Variants in MSH3 observed in about 807,000 individuals in gnomAD.
MSH3 encodes the protein DNA mismatch repair protein Msh3.
Under a neutral mutation model 123.3 loss-of-function variants are expected in MSH3, and 106 were observed. That is an observed-to-expected ratio of 0.86 (90% CI 0.73 to 1.01). MSH3 has a LOEUF of 1.01. Among genes scored for constraint, MSH3 ranks in the 50% least tolerant of loss-of-function variants. The probability of loss-of-function intolerance (pLI) is 0.00; values close to 1 mark genes in which losing one functional copy is unlikely to be tolerated. For missense variants in MSH3, 1,459 were observed against 1,347.6 expected, an observed-to-expected ratio of 1.08 and a Z score of -1.29; for synonymous variants, 515 against 481.4, an observed-to-expected ratio of 1.07 and a Z score of -0.91.
intron 8 of MSH3, among the ~76,000 whole-genome samples, chr5:80,704,107 C>T (rs746971256): frequency 1.6e-4 from 24 of 152,228 alleles, no homozygotes; most frequent in Middle Eastern, 3.4e-3. Flanking sequence ...GTGGGGCTCC[C>T]TGATTTTCTG....
rs140594151 is a variant in MSH3, at chr5:80,713,729, C to T, written c.1341-11724C>T. ...TACCATTGGATACATGTCTTTGGAG[C>T]AGATTTCCATCCATTTTTACTCCAG... On this transcript the variant is annotated intron_variant, in intron 8 of 23. Coordinates refer to ENST00000265081, the MANE Select transcript of MSH3 (RefSeq NM_002439.5). 1.7e-3 allele frequency among the ~76,000 whole-genome samples: 260 copies of T among 152,284 alleles called. 2 individuals carry two copies. Among genetic ancestry groups the T allele is most frequent in the African/African-American group, 5.9e-3 (247 of 41,556 alleles).
intron 12 of MSH3, 147 bp from the exon 13 acceptor site, chr5:80,761,399 C>T: frequency 2.0e-6 from 2 of 986,630 alleles, no homozygotes; most frequent in South Asian, 2.7e-5. Context: ...TCAGGGAGTC[C>T]TTCCCACATG....
chr5:80,672,133 G>A (rs1749737471), intron 4 of MSH3, 111 bp from the exon 5 acceptor site: 1 of 794,640 alleles, frequency 1.3e-6, no homozygotes, highest in Non-Finnish European at 2.1e-6. Flanking sequence ...TTTAGATTAA[G>A]TGTACAAATC....
chr5:80,727,235 C>A (rs6151729), intron 9 of MSH3, among the ~76,000 whole-genome samples: 2 of 152,206 alleles, frequency 1.3e-5, no homozygotes, highest in African/African-American at 4.8e-5. Context: ...CACATTGATA[C>A]ACCATCTTTG....
At chr5:80,687,234 A>C (rs1379384928) in intron 8 of MSH3, among the ~76,000 whole-genome samples, 1 of 152,172 alleles carries the variant, frequency 6.6e-6, no homozygotes, top group African/African-American at 2.4e-5. Context: ...ATCTTGTTAC[A>C]CTTTCTTTTG....
chr5:80,839,223 C>T (rs1745571382), intron 20 of MSH3, among the ~76,000 whole-genome samples: 3 of 152,066 alleles, frequency 2.0e-5, no homozygotes. Flanking sequence ...AAAATATTAG[C>T]CAGGTGTGGT....
intron 22 of MSH3, among the ~76,000 whole-genome samples, chr5:80,871,333 G>T (rs949145534): frequency 1.4e-4 from 22 of 152,178 alleles, no homozygotes; most frequent in Admixed American, 3.9e-4. Context: ...AAACATAGCG[G>T]CTTAGAACAA....
intron 2 of MSH3, among the ~76,000 whole-genome samples, chr5:80,656,917 T>C (rs1394266235): frequency 1.3e-5 from 2 of 152,198 alleles, no homozygotes; most frequent in Admixed American, 6.5e-5. Context: ...CTGTATATAC[T>C]TCCAGATTTT....
chr5:80,845,061 G>A (rs183502563), intron 20 of MSH3, among the ~76,000 whole-genome samples: 2 of 152,088 alleles, frequency 1.3e-5, no homozygotes, highest in Non-Finnish European at 2.9e-5. Flanking sequence ...TCCATGTTTA[G>A]TGCTTCCTTT....
chr5:80,688,329 G>T (rs2112826089), intron 8 of MSH3, among the ~76,000 whole-genome samples: 1 of 152,284 alleles, frequency 6.6e-6, no homozygotes, highest in Admixed American at 6.5e-5. Context: ...TTTACTTTCA[G>T]TGTTAGAAAT....
At chr5:80,732,806 T>C (rs1743434963) in intron 10 of MSH3, among the ~76,000 whole-genome samples, 1 of 152,130 alleles carries the variant, frequency 6.6e-6, no homozygotes, top group African/African-American at 2.4e-5. Flanking sequence ...CAGGAAAAAC[T>C]CTGCATAAGA....
intron 1 of MSH3, chr5:80,655,232 C>G (rs936998949): frequency 5.4e-5 from 18 of 333,882 alleles, no homozygotes; most frequent in Non-Finnish European, 7.6e-5. Context: ...CTCCTGACTC[C>G]CATTCTGATG....
In MSH3 at chr5:80,718,495, GT is replaced by G. The variant is rs35857348; in HGVS notation, c.1341-6940del. On this transcript the variant is annotated intron_variant, in intron 8 of 23. Coordinates refer to ENST00000265081, the MANE Select transcript of MSH3 (RefSeq NM_002439.5). Reference sequence around the variant, plus strand: ...CTTTTTATTCCTATCCTCACCTTTGGTTTTTTTTTTTTTTTTTTGAAGAAAC... The same window carrying G: ...CTTTTTATTCCTATCCTCACCTTTGGTTTTTTTTTTTTTTTTTGAAGAAAC... 2.9e-3 allele frequency among the ~76,000 whole-genome samples: 356 copies of G among 122,200 alleles called. 1 individual carries two copies. Among genetic ancestry groups the G allele is most frequent in the Middle Eastern group, 9.3e-3 (2 of 216 alleles). The allele number at this position is 122,200 out of a possible 152,430, so 80.2% of individuals were successfully genotyped here.
intron 1 of MSH3, among the ~76,000 whole-genome samples, chr5:80,655,885 C>G (rs892261796): frequency 6.6e-6 from 1 of 152,134 alleles, no homozygotes; most frequent in Non-Finnish European, 1.5e-5. Flanking sequence ...TGGTGAAGGA[C>G]TTATGTATGC....
Position 80,696,446 on chromosome 5 carries a change from C to T in MSH3, c.1340+17353C>T, listed in dbSNP as rs138510760. ...GCTAAAAGTTTTCTGTCTTGCTAGGCTTCCTCTTCTCTGGGGGTTTGTTGA... is the reference window on the plus strand; with the variant it reads ...GCTAAAAGTTTTCTGTCTTGCTAGGTTTCCTCTTCTCTGGGGGTTTGTTGA... On this transcript the variant is annotated intron_variant, in intron 8 of 23. Coordinates refer to ENST00000265081, the MANE Select transcript of MSH3 (RefSeq NM_002439.5). Among the ~76,000 whole-genome samples, 10 of 152,274 alleles carry T rather than the reference C, an allele frequency of 6.6e-5. No individual in the cohort carries two copies. The East Asian group carries it at 1.9e-3, about 29-fold the overall frequency.
intron 20 of MSH3, among the ~76,000 whole-genome samples, chr5:80,832,504 A>G (rs1250870934): frequency 6.6e-6 from 1 of 152,094 alleles, no homozygotes. Context: ...CTGCAATCCT[A>G]GCTACTCAGG....
intron 8 of MSH3, among the ~76,000 whole-genome samples, chr5:80,680,423 A>C (rs1167653207): frequency 9.1e-6 from 1 of 110,138 alleles, no homozygotes. Context: ...TTCAGAAGAC[A>C]AAAAAAAAAG....
chr5:80,797,647 C>G (rs1195959777), intron 19 of MSH3, among the ~76,000 whole-genome samples: 1 of 152,210 alleles, frequency 6.6e-6, no homozygotes, highest in Non-Finnish European at 1.5e-5. Flanking sequence ...GAACTGTTTC[C>G]CAAAACATAA....
At chr5:80,859,167 CT>C (rs1282584081) in intron 21 of MSH3, among the ~76,000 whole-genome samples, 3 of 152,110 alleles carry the variant, frequency 2.0e-5, no homozygotes, top group Admixed American at 2.0e-4. Flanking sequence ...GTCACCCAGG[CT>C]GGAGTGCAGT....
Sources: gnomAD v4.1 joint callset for allele counts (sites outside exome capture counted in the v4.1 genomes callset) on GRCh38, gnomAD v4.1.1 for gene constraint, MANE v1.5 for transcripts, NCBI Gene and HGNC (gene_info 2026-07-23, HGNC 2026-07-21) for gene names.